Variants in KCNH7 observed in about 807,000 individuals in gnomAD.
KCNH7 encodes potassium voltage-gated channel subfamily H member 7.
KCNH7 carries 49 observed loss-of-function variants against 120.8 expected under a neutral mutation model. The observed-to-expected ratio is 0.41, with a 90% confidence interval of 0.32 to 0.51. KCNH7 has a LOEUF of 0.51. KCNH7 is among the 20% of genes least tolerant of loss of function. KCNH7 has a pLI of 0.38. For missense variants in KCNH7, 1,097 were observed against 1,446.6 expected, an observed-to-expected ratio of 0.76 and a Z score of 3.92; for synonymous variants, 547 against 516.1, an observed-to-expected ratio of 1.06 and a Z score of -0.81.
chr2:162,467,438 T>C (rs1463758452), intron 6 of KCNH7, among the ~76,000 whole-genome samples: 1 of 152,140 alleles, frequency 6.6e-6, no homozygotes, highest in African/African-American at 2.4e-5. Flanking sequence ...CTTTATTAGT[T>C]CTCTGAGGGC....
chr2:162,677,517 G>A (rs2105306853), intron 2 of KCNH7, among the ~76,000 whole-genome samples: 1 of 151,466 alleles, frequency 6.6e-6, no homozygotes, highest in African/African-American at 2.4e-5. Context: ...TGGAGTTGTA[G>A]TTTGTTCATT....
At chr2:162,699,713 C>A (rs1234279631) in intron 2 of KCNH7, among the ~76,000 whole-genome samples, 1 of 152,144 alleles carries the variant, frequency 6.6e-6, no homozygotes, top group Admixed American at 6.6e-5. Context: ...AATGGATCAT[C>A]AATAATCACC....
At chr2:162,437,262 T>A (rs961618582) in intron 7 of KCNH7, among the ~76,000 whole-genome samples, 8 of 152,160 alleles carry the variant, frequency 5.3e-5, no homozygotes, top group African/African-American at 1.9e-4. Context: ...GAGGAACTTG[T>A]GTAGTTGACA....
intron 6 of KCNH7, among the ~76,000 whole-genome samples, chr2:162,474,335 A>T (rs1689660489): frequency 6.6e-6 from 1 of 152,242 alleles, no homozygotes; most frequent in East Asian, 1.9e-4. Flanking sequence ...TCTTGAGGAC[A>T]GTTACCAGTT....
intron 2 of KCNH7, among the ~76,000 whole-genome samples, chr2:162,740,889 CT>C (rs1688102514): frequency 6.6e-6 from 1 of 152,132 alleles, no homozygotes; most frequent in Admixed American, 6.5e-5. Flanking sequence ...CAGTGTGTAC[CT>C]CTAAAGTACT....
intron 2 of KCNH7, among the ~76,000 whole-genome samples, chr2:162,537,701 C>G (rs1483388584): frequency 1.3e-5 from 2 of 151,974 alleles, no homozygotes; most frequent in Non-Finnish European, 2.9e-5. Context: ...TGTTAGTAAT[C>G]TTCTTCATGA....
At chr2:162,704,334 T>TCAA (rs970995642) in intron 2 of KCNH7, among the ~76,000 whole-genome samples, 1 of 151,972 alleles carries the variant, frequency 6.6e-6, no homozygotes, top group East Asian at 1.9e-4. Flanking sequence ...TTTAATATGT[T>TCAA]CAACAACAAC....
intron 2 of KCNH7, among the ~76,000 whole-genome samples, chr2:162,599,119 C>A (rs1247609051): frequency 6.6e-6 from 1 of 151,730 alleles, no homozygotes; most frequent in African/African-American, 2.4e-5. Context: ...AGCTGGAAAT[C>A]ACTTGAACCC....
intron 2 of KCNH7, among the ~76,000 whole-genome samples, chr2:162,788,569 G>A (rs1182737753): frequency 6.6e-6 from 1 of 151,854 alleles, no homozygotes; most frequent in Non-Finnish European, 1.5e-5. Context: ...GACCTAATTG[G>A]AGAAACAAAA....
At chr2:162,685,406 C>T (rs1034473938) in intron 2 of KCNH7, among the ~76,000 whole-genome samples, 2 of 151,940 alleles carry the variant, frequency 1.3e-5, no homozygotes, top group South Asian at 4.1e-4. Flanking sequence ...TAAGAGATAA[C>T]CTGTACAATT....
chr2:162,767,447 G>A (rs1393038550), intron 2 of KCNH7, among the ~76,000 whole-genome samples: 3 of 152,044 alleles, frequency 2.0e-5, no homozygotes, highest in Non-Finnish European at 4.4e-5. Context: ...AACTTGAGAG[G>A]TGGAAAGAGG....
At chr2:162,471,081 C>T (rs1689507791) in intron 6 of KCNH7, among the ~76,000 whole-genome samples, 1 of 152,068 alleles carries the variant, frequency 6.6e-6, no homozygotes, top group South Asian at 2.1e-4. Flanking sequence ...ACTCCCTAAT[C>T]TCAAGTACCC....
intron 2 of KCNH7, among the ~76,000 whole-genome samples, chr2:162,782,533 A>G (rs1683538796): frequency 6.6e-6 from 1 of 152,150 alleles, no homozygotes; most frequent in South Asian, 2.1e-4. Context: ...AGCTGAGGGA[A>G]GGAGAGAGAA....
intron 2 of KCNH7, among the ~76,000 whole-genome samples, chr2:162,583,841 T>A (rs1349413812): frequency 6.6e-6 from 1 of 152,122 alleles, no homozygotes. Flanking sequence ...AACAGGGCAC[T>A]GGCCACTGAT....
At chr2:162,771,936 A>T (rs1683069637) in intron 2 of KCNH7, 1 of 152,198 alleles carries the variant, frequency 6.6e-6, no homozygotes, top group Non-Finnish European at 1.5e-5. Context: ...TCAAGGCAAC[A>T]GACGCATGAG....
chr2:162,608,117 T>A (rs1016200552), intron 2 of KCNH7, among the ~76,000 whole-genome samples: 6 of 152,196 alleles, frequency 3.9e-5, no homozygotes, highest in African/African-American at 1.2e-4. Flanking sequence ...TTACAAAGTA[T>A]GTTTACAAAG....
At chr2:162,415,281 A>G (rs975319644) in intron 9 of KCNH7, among the ~76,000 whole-genome samples, 2 of 152,124 alleles carry the variant, frequency 1.3e-5, no homozygotes, top group African/African-American at 4.8e-5. Context: ...TAAACTCTCT[A>G]TATAAATTTT....
chr2:162,737,872 C>T (rs368422722), intron 2 of KCNH7, among the ~76,000 whole-genome samples: 54 of 151,958 alleles, frequency 3.6e-4, no homozygotes, highest in East Asian at 2.7e-3. Flanking sequence ...GGAGAGCAAC[C>T]TGGCTAACAT....
At chr2:162,640,045 T>C (rs538114069) in intron 2 of KCNH7, among the ~76,000 whole-genome samples, 1 of 152,214 alleles carries the variant, frequency 6.6e-6, no homozygotes, top group South Asian at 2.1e-4. Flanking sequence ...TTTTAAAAAA[T>C]CAAATATTTA....
Sources: allele counts gnomAD v4.1 joint callset (sites outside exome capture counted in the v4.1 genomes callset), GRCh38; gene constraint gnomAD v4.1.1; transcripts MANE v1.5; gene names NCBI Gene and HGNC (gene_info 2026-07-23, HGNC 2026-07-21).